Variants in SGK1 observed in about 807,000 individuals in gnomAD.
The protein encoded by SGK1 is serine/threonine-protein kinase Sgk1.
In SGK1, 26 loss-of-function variants were observed where a neutral mutation model predicts 64.2. The observed-to-expected ratio is 0.40, with a 90% CI of 0.30 to 0.56. The LOEUF (loss-of-function observed/expected upper bound fraction) is 0.56. Among genes scored for constraint, SGK1 ranks in the 20% least tolerant of loss-of-function variants. The pLI, the probability that SGK1 is intolerant of heterozygous loss-of-function variation, is 0.38. For synonymous variants in SGK1, 265 were observed against 239.7 expected, an observed-to-expected ratio of 1.11 and a Z score of -0.98; for missense variants, 519 against 645.6, an observed-to-expected ratio of 0.80 and a Z score of 2.12.
At chr6:134,222,533 C>A (rs1488777308) in intron 2 of SGK1, among the ~76,000 whole-genome samples, 4 of 151,738 alleles carry the variant, frequency 2.6e-5, no homozygotes, top group African/African-American at 9.7e-5. Flanking sequence ...ATGGGGTTTC[C>A]TCATGTTGGC....
At chr6:134,247,761 A>G (rs1226926404) in intron 2 of SGK1, among the ~76,000 whole-genome samples, 1 of 152,300 alleles carries the variant, frequency 6.6e-6, no homozygotes, top group Admixed American at 6.5e-5. Flanking sequence ...AGCCAACTCT[A>G]TGTCATACAA....
chr6:134,239,429 A>G (rs1562261653), intron 2 of SGK1, among the ~76,000 whole-genome samples: 1 of 152,254 alleles, frequency 6.6e-6, no homozygotes, highest in African/African-American at 2.4e-5. Context: ...AAAGGGCGTC[A>G]GCAAATTCTG....
At chr6:134,194,191 A>G (rs1775562110) in intron 3 of SGK1, among the ~76,000 whole-genome samples, 2 of 151,886 alleles carry the variant, frequency 1.3e-5, no homozygotes, top group African/African-American at 4.8e-5. Flanking sequence ...TTTCTCATCA[A>G]TGTTATAACG....
intron 3 of SGK1, chr6:134,175,414 G>T: frequency 7.7e-7 from 1 of 1,298,980 alleles, no homozygotes. Flanking sequence ...GCGCGACCTC[G>T]CCCGCCAGGT....
intron 3 of SGK1, among the ~76,000 whole-genome samples, chr6:134,182,032 A>G (rs1369805714): frequency 1.3e-5 from 2 of 151,876 alleles, no homozygotes; most frequent in African/African-American, 4.8e-5. Flanking sequence ...TAATTTTTGT[A>G]TTTTTAGTAG....
chr6:134,301,508 T>C (rs1013030781), intron 1 of SGK1, among the ~76,000 whole-genome samples: 4 of 151,564 alleles, frequency 2.6e-5, no homozygotes, highest in Non-Finnish European at 5.9e-5. Flanking sequence ...AGGACCACCT[T>C]TTCTTCTCTT....
chr6:134,173,694 T>A (rs1775112566), intron 5 of SGK1, 128 bp from the exon 6 acceptor site: 1 of 663,130 alleles, frequency 1.5e-6, no homozygotes, highest in Non-Finnish European at 2.5e-6. Flanking sequence ...CTATAAACAT[T>A]CAAAACTACA....
chr6:134,242,363 G>A (rs900103870), intron 2 of SGK1, among the ~76,000 whole-genome samples: 19 of 152,224 alleles, frequency 1.2e-4, no homozygotes, highest in Admixed American at 1.0e-3. Context: ...GCACGTGCCT[G>A]TAATCCCAGC....
In SGK1 at chr6:134,299,698, C is replaced by T. The variant is rs1438438321; in HGVS notation, c.69+17694G>A. Among the ~76,000 whole-genome samples the T allele has an allele frequency of 2.0e-5, 3 of 152,008 alleles. No individual in the cohort carries two copies. The East Asian group carries it at 5.8e-4, about 29-fold the overall frequency. ...GTAAACCACTTAAAAAAAAAGATTT[C>T]CAATGTGGAAATACTCAATGTTTGG... On this transcript the variant is annotated intron_variant, in intron 1 of 13. Transcript: ENST00000367858.
chr6:134,171,796 C>T (rs1289164985), intron 10 of SGK1, 64 bp from the exon 11 acceptor site: 2 of 1,076,082 alleles, frequency 1.9e-6, no homozygotes, highest in Non-Finnish European at 2.8e-6. Flanking sequence ...CACGACCACA[C>T]ATTTAGTTTG....
chr6:134,270,190 C>T (rs1776918272), intron 1 of SGK1, among the ~76,000 whole-genome samples: 2 of 147,986 alleles, frequency 1.4e-5, no homozygotes. Flanking sequence ...CAATCCCAAG[C>T]CTGTTGGGAT....
intron 1 of SGK1, among the ~76,000 whole-genome samples, chr6:134,283,732 G>A (rs1777131554): frequency 6.6e-6 from 1 of 151,672 alleles, no homozygotes. Flanking sequence ...TGCAGTCCCA[G>A]GTACTCAGGA....
intron 2 of SGK1, among the ~76,000 whole-genome samples, chr6:134,223,851 C>T (rs990160931): frequency 2.6e-5 from 4 of 152,190 alleles, no homozygotes; most frequent in Non-Finnish European, 4.4e-5. Flanking sequence ...TTTTCTCATG[C>T]AGTAGGCTAA....
chr6:134,191,400 A>T (rs1775506355), intron 3 of SGK1, among the ~76,000 whole-genome samples: 1 of 152,114 alleles, frequency 6.6e-6, no homozygotes, highest in African/African-American at 2.4e-5. Context: ...TTCCCAAACC[A>T]TCTCTACCAC....
rs188205333 is a variant in SGK1, at chr6:134,306,837, C to A, written c.69+10555G>T. Among the ~76,000 whole-genome samples, 45 of 151,130 alleles carry A rather than the reference C, an allele frequency of 3.0e-4. No individual in the cohort carries two copies. The East Asian group carries it at 6.8e-3, about 23-fold the overall frequency. ...GCTTATGATTTCTTATTTTCTCTTTCCCACCTTAAAACCTGACACATCAAA... is the reference window on the plus strand; with the variant it reads ...GCTTATGATTTCTTATTTTCTCTTTACCACCTTAAAACCTGACACATCAAA... On this transcript the variant is annotated intron_variant, in intron 1 of 13. Transcript: ENST00000367858.
chr6:134,204,218 CAAAA>C (rs1183733655), intron 3 of SGK1, among the ~76,000 whole-genome samples: 6 of 131,408 alleles, frequency 4.6e-5, no homozygotes, highest in South Asian at 2.5e-4. Context: ...ACCAACTAGG[CAAAA>C]AATAAATAAA....
chr6:134,233,114 A>T (rs1743945), intron 2 of SGK1, among the ~76,000 whole-genome samples: 126,507 of 151,998 alleles, frequency 0.83, 53,282 homozygotes, highest in East Asian at 1. Flanking sequence ...GCTTTGTGAA[A>T]GTTTAGGAAA....
At chr6:134,249,585 C>T (rs1161611966) in intron 2 of SGK1, 1 of 152,176 alleles carries the variant, frequency 6.6e-6, no homozygotes, top group Non-Finnish European at 1.5e-5. Context: ...TCTTCTAGCA[C>T]TTGTCACAGT....
intron 1 of SGK1, among the ~76,000 whole-genome samples, chr6:134,299,834 G>A (rs1007074956): frequency 1.3e-4 from 20 of 149,298 alleles, no homozygotes; most frequent in African/African-American, 4.9e-4. Context: ...GAGTTTGGAG[G>A]AGTCGGATAA....
Sources: gnomAD v4.1 joint callset for allele counts (sites outside exome capture counted in the v4.1 genomes callset) on GRCh38, gnomAD v4.1.1 for gene constraint, MANE v1.5 for transcripts, NCBI Gene and HGNC (gene_info 2026-07-23, HGNC 2026-07-21) for gene names.